The following C13orf42 variants were observed in gnomAD, a reference collection of about 807,000 sequenced individuals.
The protein encoded by C13orf42 is chromosome 13 open reading frame 42.
At chr13:51,127,243 TGAAGGAATAACAACCAA>T (rs1953584406) in intron 1 of C13orf42, among the ~76,000 whole-genome samples, 1 of 152,144 alleles carries the variant, frequency 6.6e-6, no homozygotes, top group African/African-American at 2.4e-5. Flanking sequence ...AGCCACATCT[TGAAGGAATAACAACCAA>T]GAAGGAATAA....
chr13:51,153,154 A>G (rs561082910), intron 1 of C13orf42, among the ~76,000 whole-genome samples: 5 of 152,218 alleles, frequency 3.3e-5, no homozygotes, highest in Non-Finnish European at 5.9e-5. Flanking sequence ...TTGGAGCCTC[A>G]GCTCCTGCCA....
At chr13:51,123,987 C>G (rs1953556536) in intron 1 of C13orf42, among the ~76,000 whole-genome samples, 1 of 152,188 alleles carries the variant, frequency 6.6e-6, no homozygotes, top group African/African-American at 2.4e-5. Context: ...CTAAATATTA[C>G]CAGCCATTAT....
intron 1 of C13orf42, among the ~76,000 whole-genome samples, chr13:51,090,117 C>T (rs1953167039): frequency 6.6e-6 from 1 of 152,206 alleles, no homozygotes; most frequent in Admixed American, 6.5e-5. Context: ...GCCAGGCATC[C>T]TTCTTGAAGG....
chr13:51,153,379 C>G (rs150225124), intron 1 of C13orf42, among the ~76,000 whole-genome samples: 1 of 152,156 alleles, frequency 6.6e-6, no homozygotes, highest in East Asian at 1.9e-4. Context: ...AGTGTCTGCA[C>G]TCACCCAATG....
At chr13:51,123,126 GA>G (rs898560496) in intron 1 of C13orf42, among the ~76,000 whole-genome samples, 12 of 152,254 alleles carry the variant, frequency 7.9e-5, no homozygotes, top group African/African-American at 2.9e-4. Context: ...AAGGCAATCT[GA>G]AAAAAGTTCC....
intron 1 of C13orf42, 62 bp from the exon 2 acceptor site, chr13:51,088,137 A>G (rs1473828944): frequency 1.0e-5 from 4 of 397,912 alleles, no homozygotes; most frequent in Non-Finnish European, 1.8e-5. Flanking sequence ...GACTCAGAAA[A>G]GGGTGAAATG....
intron 1 of C13orf42, among the ~76,000 whole-genome samples, chr13:51,097,427 G>A (rs543919558): frequency 5.3e-4 from 81 of 152,234 alleles, no homozygotes; most frequent in Non-Finnish European, 9.0e-4. Flanking sequence ...TCACCAAATG[G>A]ATTCTATGAT....
rs1490254225 is a variant in C13orf42, at chr13:51,083,026, G to A, written c.*1125C>T. On this transcript the variant is annotated 3_prime_UTR_variant, in exon 4 of 4. Transcript: ENST00000563710. ...CTGACCTTAGCCTAGAACATCCTTG[G>A]CTTAATTCAAATGATTGTGGTTTTC... The A allele has an allele frequency of 6.6e-6, 1 of 152,130 alleles. No homozygotes were observed. The highest frequency in any genetic ancestry group is 2.4e-5 in the African/African-American group (1 of 41,410). 9.4% of individuals were successfully genotyped at this position (152,130 alleles called of 1,614,324 possible).
At chr13:51,087,053 A>G (rs1170232733) in intron 2 of C13orf42, among the ~76,000 whole-genome samples, 1 of 152,256 alleles carries the variant, frequency 6.6e-6, no homozygotes, top group Non-Finnish European at 1.5e-5. Context: ...TAACCTTAGT[A>G]TAAGGGGCCA....
chr13:51,127,367 G>T (rs989762149), intron 1 of C13orf42, among the ~76,000 whole-genome samples: 15 of 152,158 alleles, frequency 9.9e-5, no homozygotes, highest in African/African-American at 3.4e-4. Flanking sequence ...TTTTTCAGAA[G>T]GGAAATGGAT....
At chr13:51,111,936 G>C (rs1953439401), upstream of C13orf42, among the ~76,000 whole-genome samples, 2 of 152,212 alleles carry the variant, frequency 1.3e-5, no homozygotes, top group Non-Finnish European at 2.9e-5. Flanking sequence ...GGAGGCAGGA[G>C]GAGGATTCAG....
chr13:51,104,443 C>T (rs967993786), intron 1 of C13orf42, among the ~76,000 whole-genome samples: 7 of 152,080 alleles, frequency 4.6e-5, no homozygotes, highest in Admixed American at 3.9e-4. Context: ...TCCCAGCACT[C>T]TGGGAGGCTG....
intron 1 of C13orf42, among the ~76,000 whole-genome samples, chr13:51,161,476 G>C (rs1308971281): frequency 2.0e-5 from 3 of 152,044 alleles, no homozygotes; most frequent in Non-Finnish European, 4.4e-5. Context: ...AACCAATCCA[G>C]AGCCCACTCC....
chr13:51,159,174 C>T (rs1472632563), intron 1 of C13orf42, among the ~76,000 whole-genome samples: 1 of 152,118 alleles, frequency 6.6e-6, no homozygotes, highest in East Asian at 1.9e-4. Flanking sequence ...GCTGATTTTC[C>T]CCACTAAATG....
chr13:51,128,250 A>C (rs1289879151), intron 1 of C13orf42, among the ~76,000 whole-genome samples: 4 of 152,238 alleles, frequency 2.6e-5, no homozygotes, highest in African/African-American at 9.6e-5. Flanking sequence ...TACTTTCTTA[A>C]GAAGCTTGCA....
chr13:51,148,163 C>G (rs1008020191), intron 1 of C13orf42, among the ~76,000 whole-genome samples: 1 of 152,220 alleles, frequency 6.6e-6, no homozygotes, highest in Admixed American at 6.5e-5. Context: ...ATGATTACTT[C>G]TAGTGGAGAG....
At chr13:51,136,883 G>A (rs1953661849) in intron 1 of C13orf42, among the ~76,000 whole-genome samples, 1 of 152,222 alleles carries the variant, frequency 6.6e-6, no homozygotes, top group African/African-American at 2.4e-5. Flanking sequence ...GAATATAGCT[G>A]TGAGCAAGGC....
At chr13:51,167,119 AC>A (rs1953908943) in intron 1 of C13orf42, among the ~76,000 whole-genome samples, 2 of 151,936 alleles carry the variant, frequency 1.3e-5, no homozygotes, top group Admixed American at 6.6e-5. Context: ...AATATGAAAC[AC>A]CTGATGGCCA....
At chr13:51,156,899 A>G (rs1271688440) in intron 1 of C13orf42, among the ~76,000 whole-genome samples, 2 of 152,228 alleles carry the variant, frequency 1.3e-5, no homozygotes, top group Admixed American at 1.3e-4. Flanking sequence ...ATTGTTACCC[A>G]GTGCCATAGG....
Sources: gnomAD v4.1 joint callset for allele counts (sites outside exome capture counted in the v4.1 genomes callset) on GRCh38, gnomAD v4.1.1 for gene constraint, MANE v1.5 for transcripts, NCBI Gene and HGNC (gene_info 2026-07-23, HGNC 2026-07-21) for gene names.